The following TBC1D22A variants were observed in gnomAD, a reference collection of about 807,000 sequenced individuals.
TBC1D22A encodes the protein putative GTPase activator.
A neutral mutation model predicts 60.2 loss-of-function variants in TBC1D22A; 38 were observed. The ratio of observed to expected loss-of-function variants is 0.63; its 90% CI spans 0.49 to 0.83. TBC1D22A has a LOEUF of 0.83. Among genes scored for constraint, TBC1D22A ranks in the 40% least tolerant of loss-of-function variants. TBC1D22A has a pLI of 0.00. For synonymous variants in TBC1D22A, 302 were observed against 281.7 expected, an observed-to-expected ratio of 1.07 and a Z score of -0.72; for missense variants, 628 against 701.0, an observed-to-expected ratio of 0.90 and a Z score of 1.18.
intron 8 of TBC1D22A, among the ~76,000 whole-genome samples, chr22:46,969,594 C>T (rs2073966209): frequency 6.6e-6 from 1 of 152,198 alleles, no homozygotes; most frequent in African/African-American, 2.4e-5. Context: ...GCCATGACTT[C>T]ACATTTTGTT....
In TBC1D22A at chr22:46,762,683, C is replaced by A; in HGVS notation, c.-104C>A. ...TTCTCGGCTCTAGGCTCTGGAGTCCCGGGAGCAGTGAGGGGCCACCCGGGG... is the reference window on the plus strand; with the variant it reads ...TTCTCGGCTCTAGGCTCTGGAGTCCAGGGAGCAGTGAGGGGCCACCCGGGG... On this transcript the variant is annotated 5_prime_UTR_variant, in exon 1 of 13. Coordinates refer to ENST00000337137, the MANE Select transcript of TBC1D22A (RefSeq NM_014346.5). The A allele has an allele frequency of 9.9e-7, 1 of 1,005,976 alleles. No individual in the cohort carries two copies. Among genetic ancestry groups the A allele is most frequent in the South Asian group, 2.2e-5 (1 of 45,402 alleles). The allele number at this position is 1,005,976 out of a possible 1,614,324, so 62.3% of individuals were successfully genotyped here. A position where few individuals can be genotyped will look rare whatever the true frequency, so the allele number is the denominator to read the frequency against.
rs143748720 is a variant in TBC1D22A, at chr22:47,141,720, G to A, written c.1425+30117G>A. On this transcript the variant is annotated intron_variant, in intron 12 of 12. Transcript: ENST00000337137. ...GTGCCACACACCTGCTCTTTCCTAC[G>A]TTGCTTGTAGTGTTTTCCCAGAAAG... Among the ~76,000 whole-genome samples, 649 of 152,318 alleles carry A rather than the reference G, an allele frequency of 4.3e-3. 4 individuals carry two copies. The highest frequency in any genetic ancestry group is 0.015 in the African/African-American group (613 of 41,564).
At position 47,007,296 on chromosome 22, in the gene TBC1D22A, C is replaced by A. The variant is rs375732996; in HGVS notation, c.1201+9587C>A. Among the ~76,000 whole-genome samples, 3 of 152,298 alleles carry A rather than the reference C, an allele frequency of 2.0e-5. No individual in the cohort carries two copies. The East Asian group carries it at 5.8e-4, about 29-fold the overall frequency. The stretch of plus-strand genomic sequence containing the variant: ...CTGTGCCTAGGGCACTGGGCAGGCA[C>A]AGAACATGTGTCCTGCACCTCTGCA... On this transcript the variant is annotated intron_variant, in intron 10 of 12. Coordinates refer to ENST00000337137, the MANE Select transcript of TBC1D22A (RefSeq NM_014346.5).
rs187687977 is a variant in TBC1D22A, at chr22:46,797,495, C to T, written c.512C>T (p.Ser171Leu). ...PLQRSQSLPH[S>L]ATVTLGGTSD... ...CAGAGGTCCCAGTCTCTCCCACACT[C>T]GGCCACCGTCACGCTGGGTGGCACA... Residue 171 changes from serine to leucine, a missense_variant, in exon 4 of 13, where the codon TCG becomes TTG. Coordinates refer to ENST00000337137, the MANE Select transcript of TBC1D22A (RefSeq NM_014346.5). 17 of 1,613,856 alleles carry T rather than the reference C, an allele frequency of 1.1e-5. No homozygotes were observed. The highest frequency in any genetic ancestry group is 6.6e-5 in the South Asian group (6 of 91,054).
At chr22:46,930,407 GA>G (rs536954800) in intron 8 of TBC1D22A, among the ~76,000 whole-genome samples, 71 of 152,184 alleles carry the variant, frequency 4.7e-4, no homozygotes, top group Non-Finnish European at 8.2e-4. Context: ...TAGGACTTGG[GA>G]ACTCTGATAC....
intron 12 of TBC1D22A, among the ~76,000 whole-genome samples, chr22:47,162,430 ACT>A (rs1173506110): frequency 3.3e-5 from 5 of 151,518 alleles, no homozygotes; most frequent in African/African-American, 4.9e-5. Flanking sequence ...GGGAGAGACG[ACT>A]CTCACTTCTC....
intron 12 of TBC1D22A, among the ~76,000 whole-genome samples, chr22:47,163,988 C>T (rs1024939898): frequency 2.0e-5 from 3 of 152,258 alleles, no homozygotes; most frequent in African/African-American, 7.2e-5. Context: ...GTGGCAACAC[C>T]TCCAAGGCCC....
chr22:46,831,913 T>G (rs542544962), intron 4 of TBC1D22A, among the ~76,000 whole-genome samples: 8 of 152,196 alleles, frequency 5.3e-5, no homozygotes, highest in African/African-American at 1.2e-4. Flanking sequence ...ATTAGCTGAT[T>G]CCAGTGAATT....
intron 4 of TBC1D22A, among the ~76,000 whole-genome samples, chr22:46,799,513 A>T (rs896166802): frequency 7.2e-5 from 11 of 152,200 alleles, no homozygotes; most frequent in Non-Finnish European, 1.6e-4. Context: ...TAACACTTGT[A>T]TTATTTTCAT....
chr22:46,905,746 C>T (rs2069417313), intron 7 of TBC1D22A, among the ~76,000 whole-genome samples: 2 of 152,224 alleles, frequency 1.3e-5, no homozygotes, highest in Non-Finnish European at 2.9e-5. Flanking sequence ...CTTCCCCCTG[C>T]CTTGCTGGTT....
intron 4 of TBC1D22A, among the ~76,000 whole-genome samples, chr22:46,869,470 C>A (rs2067208028): frequency 6.6e-6 from 1 of 152,154 alleles, no homozygotes; most frequent in African/African-American, 2.4e-5. Flanking sequence ...TGATTGGCAC[C>A]CGCCAATGGG....
intron 10 of TBC1D22A, among the ~76,000 whole-genome samples, chr22:47,008,854 G>C (rs1328337849): frequency 6.6e-6 from 1 of 152,194 alleles, no homozygotes; most frequent in Admixed American, 6.5e-5. Context: ...CCTCCCACCG[G>C]GAAGTTAGAA....
intron 11 of TBC1D22A, among the ~76,000 whole-genome samples, chr22:47,067,119 A>T (rs191069281): frequency 2.7e-4 from 41 of 152,326 alleles, no homozygotes; most frequent in African/African-American, 9.6e-4. Flanking sequence ...TACAAAAATT[A>T]GCAGAGTGTG....
At chr22:46,790,759 T>C (rs1338238691) in intron 1 of TBC1D22A, among the ~76,000 whole-genome samples, 2 of 152,206 alleles carry the variant, frequency 1.3e-5, no homozygotes, top group Non-Finnish European at 2.9e-5. Flanking sequence ...ACACTGCTGG[T>C]GGGATATGAA....
intron 4 of TBC1D22A, among the ~76,000 whole-genome samples, chr22:46,841,719 ATAAACTT>A (rs2086779500): frequency 1.3e-5 from 2 of 152,236 alleles, no homozygotes; most frequent in African/African-American, 4.8e-5. Context: ...GCCAGAGAGT[ATAAACTT>A]TCGTTTATAC....
intron 12 of TBC1D22A, among the ~76,000 whole-genome samples, chr22:47,167,149 G>T (rs1459160694): frequency 2.0e-5 from 3 of 152,224 alleles, no homozygotes; most frequent in African/African-American, 7.2e-5. Flanking sequence ...TTTGGCTGAT[G>T]GTCCTTTTGG....
chr22:46,770,874 C>A (rs919747803), intron 1 of TBC1D22A, among the ~76,000 whole-genome samples: 1 of 152,152 alleles, frequency 6.6e-6, no homozygotes, highest in Admixed American at 6.6e-5. Context: ...GAGTCTTGTT[C>A]CGGCAGTGAT....
chr22:46,827,428 A>C (rs1329409966), intron 4 of TBC1D22A, among the ~76,000 whole-genome samples: 2 of 152,082 alleles, frequency 1.3e-5, no homozygotes, highest in Non-Finnish European at 2.9e-5. Context: ...TGACTACCTC[A>C]CCCACATTGC....
At chr22:46,972,341 C>G (rs995152083) in intron 8 of TBC1D22A, among the ~76,000 whole-genome samples, 1 of 152,184 alleles carries the variant, frequency 6.6e-6, no homozygotes, top group African/African-American at 2.4e-5. Flanking sequence ...GGGACAGATC[C>G]CGCCCACGGG....
Sources: gnomAD v4.1 joint callset for allele counts (sites outside exome capture counted in the v4.1 genomes callset) on GRCh38, gnomAD v4.1.1 for gene constraint, MANE v1.5 for transcripts, NCBI Gene and HGNC (gene_info 2026-07-23, HGNC 2026-07-21) for gene names.